NBAS: variants seen among roughly 807,000 people sequenced by gnomAD.
NBAS encodes the protein NBAS subunit of NRZ tethering complex.
Under a neutral mutation model 302.5 loss-of-function variants are expected in NBAS, and 219 were observed. The ratio of observed to expected loss-of-function variants is 0.72; its 90% CI spans 0.65 to 0.81. The LOEUF (loss-of-function observed/expected upper bound fraction) is 0.81. Ranked by LOEUF, NBAS falls within the 30% of genes least tolerant of loss-of-function variation. The pLI is 0.00. For synonymous variants in NBAS, 1,118 were observed against 1,021.6 expected (o/e 1.09, Z -1.80); for missense variants, 2,932 against 2,841.6 (o/e 1.03, Z -0.72).
intron 22 of NBAS, among the ~76,000 whole-genome samples, chr2:15,426,513 A>T (rs920964013): frequency 5.9e-5 from 9 of 151,934 alleles, no homozygotes; most frequent in African/African-American, 2.2e-4. Flanking sequence ...TGTATTTTTA[A>T]CCTATTTTCT....
At chr2:15,097,597 G>A in the NBAS span, among the ~76,000 whole-genome samples, 3,945 of 151,934 alleles carry the variant, frequency 0.026, 170 homozygotes, top group African/African-American at 0.089. Flanking sequence ...AGTTGCATAT[G>A]GAAAGCTGTC....
intron 11 of NBAS, among the ~76,000 whole-genome samples, chr2:15,490,086 T>C (rs1212295225): frequency 9.1e-6 from 1 of 109,874 alleles, no homozygotes; most frequent in Non-Finnish European, 2.1e-5. Flanking sequence ...TCTCTATTAT[T>C]GCTCCAGTAT....
chr2:15,057,643 C>A, the NBAS span, among the ~76,000 whole-genome samples: 1 of 152,202 alleles, frequency 6.6e-6, no homozygotes, highest in Admixed American at 6.5e-5. Flanking sequence ...GTCCTCATAG[C>A]TGAGCTCCCA....
chr2:15,396,462 C>A lies in NBAS; in HGVS notation c.3085G>T (p.Ala1029Ser). 1 of 1,597,926 alleles carries A rather than the reference C, an allele frequency of 6.3e-7. No homozygotes were observed. Among genetic ancestry groups the A allele is most frequent in the Non-Finnish European group, 8.5e-7 (1 of 1,173,474 alleles). Residue 1029 changes from alanine to serine, a missense_variant, in exon 27 of 52, where the codon GCA becomes TCA. Coordinates refer to ENST00000281513, the MANE Select transcript of NBAS (RefSeq NM_015909.4). ...PERGYGDKTE[A>S]TTKLHDMVDQ... The stretch of plus-strand genomic sequence containing the variant: ...ACCATGTCATGAAGCTTTGTGGTTG[C>A]CTCTGTCTTATCACTAATAAATTAA...
chr2:15,400,969 C>G (rs1208005080), intron 26 of NBAS, among the ~76,000 whole-genome samples: 1 of 152,132 alleles, frequency 6.6e-6, no homozygotes, highest in African/African-American at 2.4e-5. Context: ...ACTGATTAGA[C>G]TCAGGGTAAA....
At chr2:14,853,718 T>G in the NBAS span, among the ~76,000 whole-genome samples, 1 of 104,676 alleles carries the variant, frequency 9.6e-6, no homozygotes, top group Non-Finnish European at 1.9e-5. Context: ...GTGGCACATA[T>G]ACACCATGGA....
chr2:15,475,811 CA>C lies in NBAS; in HGVS notation c.1216del (p.Cys406AlafsTer5). On this transcript the variant is annotated frameshift_variant, in exon 14 of 52. Transcript: ENST00000281513. LOFTEE classifies it high-confidence loss of function. Reference protein sequence around the residue: ...WADSAVTLARCSGALTVSSVK... With the variant: ...WADSAVTLARXSGALTVSSVK... ...AGATGAAACAGTTAAAGCACCAGAG[CA>C]TCGAGCTAAAGTCACTGCACTGTCT... The C allele has an allele frequency of 6.2e-7, 1 of 1,614,084 alleles. No homozygotes were observed. The highest frequency in any genetic ancestry group is 1.3e-5 in the African/African-American group (1 of 75,038).
the NBAS span, among the ~76,000 whole-genome samples, chr2:15,028,446 A>T: frequency 6.6e-6 from 1 of 152,258 alleles, no homozygotes; most frequent in Admixed American, 6.5e-5. Flanking sequence ...CTTTAATTGC[A>T]AAATCTGATA....
chr2:15,296,241 A>C (rs1290540059), intron 40 of NBAS, among the ~76,000 whole-genome samples: 1 of 152,156 alleles, frequency 6.6e-6, no homozygotes. Flanking sequence ...GATGTATAAG[A>C]ATTTTATCAT....
the NBAS span, among the ~76,000 whole-genome samples, chr2:15,127,152 C>T: frequency 6.6e-6 from 1 of 152,168 alleles, no homozygotes; most frequent in Non-Finnish European, 1.5e-5. Flanking sequence ...AAGAGGGGCC[C>T]GTTGTTTTCA....
intron 36 of NBAS, among the ~76,000 whole-genome samples, chr2:15,330,134 T>C (rs1300698471): frequency 6.6e-6 from 1 of 152,158 alleles, no homozygotes; most frequent in Non-Finnish European, 1.5e-5. Context: ...TGTTTTCCAG[T>C]GTGAGATTAA....
At chr2:15,071,013 A>G in the NBAS span, among the ~76,000 whole-genome samples, 1 of 152,166 alleles carries the variant, frequency 6.6e-6, no homozygotes, top group Non-Finnish European at 1.5e-5. Flanking sequence ...ACAGTGGGTT[A>G]GTGACAAAGC....
chr2:15,404,525 T>TA (rs984658889), intron 25 of NBAS, among the ~76,000 whole-genome samples: 1 of 151,740 alleles, frequency 6.6e-6, no homozygotes, highest in African/African-American at 2.4e-5. Context: ...TTTTTTTTTT[T>TA]ATTTTGAGAC....
downstream of NBAS, among the ~76,000 whole-genome samples, chr2:15,163,255 C>A (rs1663938522): frequency 6.6e-6 from 1 of 152,190 alleles, no homozygotes. Context: ...AAGCCAAGTC[C>A]AGCATCCCCC....
At chr2:15,492,650 G>T (rs906922612) in intron 11 of NBAS, among the ~76,000 whole-genome samples, 1 of 151,980 alleles carries the variant, frequency 6.6e-6, no homozygotes, top group East Asian at 1.9e-4. Flanking sequence ...AGAGGGTCAC[G>T]GGGGTTCATC....
intron 44 of NBAS, among the ~76,000 whole-genome samples, chr2:15,248,598 A>T (rs910031425): frequency 6.6e-6 from 1 of 152,182 alleles, no homozygotes; most frequent in Non-Finnish European, 1.5e-5. Flanking sequence ...AGAATCAAAT[A>T]TCAAATAGAT....
intron 41 of NBAS, among the ~76,000 whole-genome samples, chr2:15,288,448 C>T (rs780247359): frequency 1.3e-5 from 2 of 152,134 alleles, no homozygotes; most frequent in African/African-American, 2.4e-5. Flanking sequence ...AGAATGAGGG[C>T]TTCTCAGACA....
At chr2:15,358,074 T>C (rs1381381580) in intron 32 of NBAS, among the ~76,000 whole-genome samples, 1 of 152,146 alleles carries the variant, frequency 6.6e-6, no homozygotes, top group Admixed American at 6.6e-5. Context: ...ATCTGCGGCC[T>C]GTTGCTACCA....
In NBAS at chr2:15,226,998, G is replaced by T. The variant is rs556014123; in HGVS notation, c.6236+5424C>A. On this transcript the variant is annotated intron_variant, in intron 47 of 51. Transcript: ENST00000281513. ...CATCCTTGTCTTGTTCCAAACCTTG[G>T]AGGAAAAACTCAATTTTTTCTCATT... Among the ~76,000 whole-genome samples, 32 of 152,230 alleles carry T rather than the reference G, an allele frequency of 2.1e-4. 1 individual carries two copies. In the South Asian group the frequency reaches 6.6e-3, roughly 32 times the overall value.
Sources: allele counts gnomAD v4.1 joint callset (sites outside exome capture counted in the v4.1 genomes callset), GRCh38; gene constraint gnomAD v4.1.1; transcripts MANE v1.5; gene names NCBI Gene and HGNC (gene_info 2026-07-23, HGNC 2026-07-21).